LONP2: variants seen among roughly 807,000 people sequenced by gnomAD.
LONP2 encodes lon peptidase 2, peroxisomal.
In LONP2, 60 loss-of-function variants were observed where a neutral mutation model predicts 85.6. The observed-to-expected ratio is 0.70, with a 90% CI of 0.57 to 0.87. The LOEUF (loss-of-function observed/expected upper bound fraction) is 0.87, where lower values mean the gene tolerates loss of function less well. Ranked by LOEUF, LONP2 falls within the 40% of genes least tolerant of loss-of-function variation. The pLI is 0.00. For synonymous variants in LONP2, 395 were observed against 389.7 expected, an observed-to-expected ratio of 1.01 and a Z score of -0.16; for missense variants, 860 against 1,063.5, an observed-to-expected ratio of 0.81 and a Z score of 2.66.
chr16:48,343,030 T>G (rs1331616877), intron 12 of LONP2, among the ~76,000 whole-genome samples: 2 of 152,324 alleles, frequency 1.3e-5, no homozygotes, highest in African/African-American at 2.4e-5. Context: ...CAGCCTCTCC[T>G]GTGACACCTG....
intron 11 of LONP2, among the ~76,000 whole-genome samples, chr16:48,315,186 T>C (rs1973115780): frequency 6.6e-6 from 1 of 152,234 alleles, no homozygotes; most frequent in African/African-American, 2.4e-5. Flanking sequence ...ACTGTCCAGT[T>C]TGACCCTGAT....
chr16:48,284,817 C>A (rs13336771), intron 8 of LONP2, among the ~76,000 whole-genome samples: 31,605 of 151,994 alleles, frequency 0.21, 4,048 homozygotes, highest in African/African-American at 0.36. Flanking sequence ...AATTTTAGCA[C>A]ATAGGCAAAT....
chr16:48,315,428 C>T (rs1480326274), intron 11 of LONP2, among the ~76,000 whole-genome samples: 4 of 152,142 alleles, frequency 2.6e-5, no homozygotes, highest in African/African-American at 9.7e-5. Flanking sequence ...TGTCAAGGTG[C>T]CAGCTTCTGA....
At chr16:48,303,795 A>G (rs1265437611) in intron 11 of LONP2, among the ~76,000 whole-genome samples, 1 of 152,198 alleles carries the variant, frequency 6.6e-6, no homozygotes, top group Non-Finnish European at 1.5e-5. Context: ...TCAAGAGTCC[A>G]AAAGTTGAAG....
intron 5 of LONP2, among the ~76,000 whole-genome samples, 197 bp downstream of exon 5, chr16:48,261,784 C>T (rs752931406): frequency 4.0e-5 from 6 of 151,746 alleles, no homozygotes; most frequent in African/African-American, 7.3e-5. Context: ...TTTGTTTATA[C>T]GTAATGTTTG....
intron 11 of LONP2, among the ~76,000 whole-genome samples, chr16:48,320,607 T>A (rs1973243379): frequency 6.6e-6 from 1 of 152,218 alleles, no homozygotes; most frequent in Non-Finnish European, 1.5e-5. Context: ...GGCAGTATGC[T>A]ATGTCCAAAC....
intron 1 of LONP2, 98 bp from the exon 2 acceptor site, chr16:48,252,033 G>A: frequency 1.1e-6 from 1 of 889,894 alleles, no homozygotes; most frequent in Non-Finnish European, 1.6e-6. Context: ...GATGTCTTTT[G>A]CTTAATGAAT....
At chr16:48,298,393 ATATAC>A (rs1260787015) in intron 9 of LONP2, among the ~76,000 whole-genome samples, 15 of 152,202 alleles carry the variant, frequency 9.9e-5, no homozygotes. Context: ...TGTGTTCTAA[ATATAC>A]TATATATAGA....
chr16:48,320,050 C>T (rs879941393), intron 11 of LONP2, among the ~76,000 whole-genome samples: 1 of 151,268 alleles, frequency 6.6e-6, no homozygotes, highest in Non-Finnish European at 1.5e-5. Context: ...ATCTCAACTA[C>T]TCGGGAGGCT....
At chr16:48,327,194 A>G (rs1366104369) in intron 11 of LONP2, among the ~76,000 whole-genome samples, 1 of 152,238 alleles carries the variant, frequency 6.6e-6, no homozygotes, top group East Asian at 1.9e-4. Flanking sequence ...TATCTTGGCA[A>G]TGTTCTGAAT....
chr16:48,304,658 C>A (rs1972874868), intron 11 of LONP2, among the ~76,000 whole-genome samples: 1 of 152,162 alleles, frequency 6.6e-6, no homozygotes, highest in South Asian at 2.1e-4. Flanking sequence ...GAGCAAAGGT[C>A]ATGCCCACTG....
chr16:48,282,336 G>A (rs575604167), intron 8 of LONP2, among the ~76,000 whole-genome samples: 16 of 151,320 alleles, frequency 1.1e-4, no homozygotes, highest in Middle Eastern at 6.8e-3. Context: ...GCTTGAACCC[G>A]GGAGGCAGAG....
chr16:48,315,463 A>T (rs964199941), intron 11 of LONP2, among the ~76,000 whole-genome samples: 39 of 152,168 alleles, frequency 2.6e-4, no homozygotes, highest in African/African-American at 8.9e-4. Context: ...CTGCATCTTC[A>T]CATGGCAGAA....
intron 11 of LONP2, among the ~76,000 whole-genome samples, chr16:48,304,533 G>A (rs543902121): frequency 5.9e-5 from 9 of 152,070 alleles, no homozygotes; most frequent in Non-Finnish European, 1.0e-4. Flanking sequence ...GTGAAACCCC[G>A]TCTCTACTAA....
In LONP2 at chr16:48,312,334, T is replaced by A. The variant is rs377670391; in HGVS notation, c.1795+9029T>A. Among the ~76,000 whole-genome samples, 76 of 152,310 alleles carry A rather than the reference T, an allele frequency of 5.0e-4. 1 individual carries two copies. The highest frequency in any genetic ancestry group is 1.7e-3 in the African/African-American group (72 of 41,568). On this transcript the variant is annotated intron_variant, in intron 11 of 14. Coordinates refer to ENST00000285737, the MANE Select transcript of LONP2 (RefSeq NM_031490.5). Reference sequence around the variant, plus strand: ...TTAGGATCCATTGCTAGAGAATTACTGTGTTTCTCTGGGGGTGTCATAGCA... The same window carrying A: ...TTAGGATCCATTGCTAGAGAATTACAGTGTTTCTCTGGGGGTGTCATAGCA...
intron 6 of LONP2, among the ~76,000 whole-genome samples, chr16:48,269,344 A>G (rs1731537451): frequency 6.6e-6 from 1 of 152,208 alleles, no homozygotes; most frequent in Non-Finnish European, 1.5e-5. Context: ...AACAACTTGA[A>G]TGCTCAGCAG....
chr16:48,328,124 A>G (rs1959304769), intron 11 of LONP2, among the ~76,000 whole-genome samples: 1 of 152,176 alleles, frequency 6.6e-6, no homozygotes, highest in Non-Finnish European at 1.5e-5. Flanking sequence ...ACTAAGAATG[A>G]AAAAAAGGCC....
chr16:48,345,843 G>C (rs543689853), intron 12 of LONP2: 1 of 152,240 alleles, frequency 6.6e-6, no homozygotes, highest in African/African-American at 2.4e-5. Flanking sequence ...TCAGGAGTTT[G>C]AGACCAGCCT....
intron 4 of LONP2, 122 bp from the exon 5 acceptor site, chr16:48,261,302 A>G (rs1971868357): frequency 5.9e-6 from 4 of 679,690 alleles, no homozygotes; most frequent in Non-Finnish European, 9.2e-6. Context: ...TCACTTCCTA[A>G]AGATAGAGAC....
Sources: gnomAD v4.1 joint callset for allele counts (sites outside exome capture counted in the v4.1 genomes callset) on GRCh38, gnomAD v4.1.1 for gene constraint, MANE v1.5 for transcripts, NCBI Gene and HGNC (gene_info 2026-07-23, HGNC 2026-07-21) for gene names.